The following PALB2 variants were observed in gnomAD, a reference collection of about 807,000 sequenced individuals.
PALB2 encodes mutant partner and localizer of BRCA2.
A neutral mutation model predicts 107.4 loss-of-function variants in PALB2; 82 were observed. The observed-to-expected ratio is 0.76, with a 90% CI of 0.64 to 0.92. The LOEUF is 0.92. Among genes scored for constraint, PALB2 ranks in the 40% least tolerant of loss-of-function variants. PALB2 has a pLI of 0.00. For synonymous variants in PALB2, 489 were observed against 496.8 expected, an observed-to-expected ratio of 0.98 and a Z score of 0.21; for missense variants, 1,374 against 1,379.9, an observed-to-expected ratio of 1.00 and a Z score of 0.07.
intron 1 of PALB2, among the ~76,000 whole-genome samples, chr16:23,639,807 G>A (rs1049324296): frequency 2.6e-5 from 3 of 115,588 alleles, no homozygotes; most frequent in African/African-American, 7.3e-5. Context: ...GAGATAGAGC[G>A]GAGAGTCTGT....
In PALB2 at chr16:23,634,976, A is replaced by T. The variant is rs2142412300; in HGVS notation, c.1570T>A (p.Ser524Thr). ...GKRKSACTPA[S>T]DHCEPLLPTS... ...GGCAAAAGTGGTTCACAATGATCTG[A>T]TGCTGGGGTGCAGGCTGATTTTCTT... is the stretch of plus-strand genomic sequence containing the variant. The change falls in exon 4 of 13, where the codon TCA becomes ACA. Residue 524 changes from serine (S) to threonine (T), a missense_variant. Coordinates refer to ENST00000261584, the MANE Select transcript of PALB2 (RefSeq NM_024675.4). The T allele has an allele frequency of 6.2e-7, 1 of 1,614,184 alleles. No homozygotes were observed.
intron 6 of PALB2, among the ~76,000 whole-genome samples, chr16:23,627,101 T>C (rs536089658): frequency 6.6e-6 from 1 of 152,298 alleles, no homozygotes; most frequent in South Asian, 2.1e-4. Context: ...TACATTATAC[T>C]ATCTACTATT....
In PALB2 at chr16:23,629,663, G is replaced by A. The variant is rs2142371841; in HGVS notation, c.2491C>T (p.Leu831=). The A allele has an allele frequency of 1.2e-6, 2 of 1,614,178 alleles. No individual in the cohort carries two copies. Among genetic ancestry groups the A allele is most frequent in the South Asian group, 1.1e-5 (1 of 91,090 alleles). ...NQLCRNTCQE[L]HKHSVEQTET... ...ACCTGTTCGACGGAATGTTTATGCAGCTCCTGGCATGTGTTTCTACAGAGC... is the reference window on the plus strand; with the variant it reads ...ACCTGTTCGACGGAATGTTTATGCAACTCCTGGCATGTGTTTCTACAGAGC... Residue 831 remains leucine, a synonymous_variant, in exon 5 of 13, where the codon CTG becomes TTG. Coordinates refer to ENST00000261584, the MANE Select transcript of PALB2 (RefSeq NM_024675.4).
rs1060502796 is a variant in PALB2 at position 23,636,036 on chromosome 16, T to C, written c.510A>G (p.Arg170=). The C allele has an allele frequency of 1.2e-6, 2 of 1,614,104 alleles. No individual in the cohort carries two copies. The highest frequency in any genetic ancestry group is 1.7e-6 in the Non-Finnish European group (2 of 1,179,976). ...GTTCCTTTAGTCTTTTCCCAGACAATCTGAGTGAATCAGTGCCAAAGACAC... is the reference window on the plus strand; with the variant it reads ...GTTCCTTTAGTCTTTTCCCAGACAACCTGAGTGAATCAGTGCCAAAGACAC... The part of the protein sequence containing the change: ...RDCVFGTDSL[R]LSGKRLKEQE... The change falls in exon 4 of 13, where the codon AGA becomes AGG. Residue 170 remains arginine, a synonymous_variant. Transcript: ENST00000261584.
At position 23,641,209 on chromosome 16, in the gene PALB2, G is replaced by A. The variant is rs1218066049; in HGVS notation, c.-52C>T. On this transcript the variant is annotated 5_prime_UTR_variant, in exon 1 of 13. Transcript: ENST00000261584. ...AGCCGTCGCCGACCCCAGGCCTGCCGACACCGGGACCCAGTTGGCCCTGGG... is the reference window on the plus strand; with the variant it reads ...AGCCGTCGCCGACCCCAGGCCTGCCAACACCGGGACCCAGTTGGCCCTGGG... The A allele has an allele frequency of 1.9e-6, 3 of 1,595,168 alleles. No homozygotes were observed. Among genetic ancestry groups the A allele is most frequent in the South Asian group, 2.3e-5 (2 of 88,646 alleles).
Position 23,637,970 on chromosome 16 carries a change from A to C in PALB2, c.109-18T>G. 1 of 1,608,690 alleles carries C rather than the reference A, an allele frequency of 6.2e-7. No individual in the cohort carries two copies. The highest frequency in any genetic ancestry group is 8.5e-7 in the Non-Finnish European group (1 of 1,175,032). Reference sequence around the variant, plus strand: ...TGGGCACGCTAGAGGAGACAAAAACAGCCCCAGAAATACGTTTTCTTTAAA... The same window carrying C: ...TGGGCACGCTAGAGGAGACAAAAACCGCCCCAGAAATACGTTTTCTTTAAA... On this transcript the variant is annotated intron_variant, in intron 2 of 12. Coordinates refer to ENST00000261584, the MANE Select transcript of PALB2 (RefSeq NM_024675.4).
intron 10 of PALB2, among the ~76,000 whole-genome samples, chr16:23,620,461 C>T (rs1472164698): frequency 6.6e-6 from 1 of 152,134 alleles, no homozygotes; most frequent in African/African-American, 2.4e-5. Flanking sequence ...TAGCTTAAAG[C>T]CATAATAGGA....
At chr16:23,634,189 C>A (rs969537060) in intron 4 of PALB2, among the ~76,000 whole-genome samples, 2 of 152,138 alleles carry the variant, frequency 1.3e-5, no homozygotes, top group African/African-American at 4.8e-5. Flanking sequence ...GGCACCATAC[C>A]GCCAGGTTTG....
rs786201408 is a variant in PALB2, at chr16:23,635,703, A to G, written c.843T>C (p.Ile281=). ...CCAAACTTACAGGTGAAGTAAATCT[A>G]ATGTTTTTTAGGTCGTGAGTAGTAA... ...SELTTHDLKN[I]RFTSPVSLEA... The change falls in exon 4 of 13, where the codon ATT becomes ATC. Residue 281 remains isoleucine (I), a synonymous_variant. Coordinates refer to ENST00000261584, the MANE Select transcript of PALB2 (RefSeq NM_024675.4). 1.2e-6 allele frequency: 2 copies of G among 1,614,156 alleles called. No homozygotes were observed. Among genetic ancestry groups the G allele is most frequent in the South Asian group, 1.1e-5 (1 of 91,082 alleles).
intron 12 of PALB2, among the ~76,000 whole-genome samples, chr16:23,605,296 T>C (rs1253405234): frequency 6.6e-6 from 1 of 152,150 alleles, no homozygotes; most frequent in Admixed American, 6.6e-5. Flanking sequence ...GGTGCCCACC[T>C]CTCCACTCTT....
intron 10 of PALB2, among the ~76,000 whole-genome samples, chr16:23,616,522 T>C (rs891467648): frequency 3.9e-5 from 6 of 152,210 alleles, no homozygotes; most frequent in African/African-American, 9.6e-5. Flanking sequence ...CTTATGTGAA[T>C]TGTAAAAAGG....
intron 11 of PALB2, among the ~76,000 whole-genome samples, chr16:23,613,505 G>A (rs1331267173): frequency 6.6e-6 from 1 of 152,100 alleles, no homozygotes; most frequent in Non-Finnish European, 1.5e-5. Flanking sequence ...TTAGCCGGGT[G>A]TGGTGGCGGG....
At chr16:23,620,240 A>G (rs1966749487) in intron 10 of PALB2, among the ~76,000 whole-genome samples, 1 of 152,222 alleles carries the variant, frequency 6.6e-6, no homozygotes, top group Non-Finnish European at 1.5e-5. Flanking sequence ...TATGCAGTTT[A>G]AAGGGTCAAT....
chr16:23,608,823 C>CACACACACACACAT (rs1434556537), intron 11 of PALB2, among the ~76,000 whole-genome samples: 1 of 148,176 alleles, frequency 6.7e-6, no homozygotes, highest in Non-Finnish European at 1.5e-5. Context: ...CACACACACA[C>CACACACACACACAT]ATATATACAG....
In PALB2 at chr16:23,629,949, TGGA is replaced by T; in HGVS notation, c.2202_2204del (p.Pro735del). 6.2e-7 allele frequency: 1 copy of T among 1,614,224 alleles called. No individual in the cohort carries two copies. Among genetic ancestry groups the T allele is most frequent in the Non-Finnish European group, 8.5e-7 (1 of 1,180,040 alleles). ...CATAGGAGCCTTGAGGGCCAAAGGCTGGAGTAGTACCTAAGATGGGGAAAGCAG... is the reference window on the plus strand; with the variant it reads ...CATAGGAGCCTTGAGGGCCAAAGGCTGTAGTACCTAAGATGGGGAAAGCAG... On this transcript the variant is annotated inframe_deletion, in exon 5 of 13. Coordinates refer to ENST00000261584, the MANE Select transcript of PALB2 (RefSeq NM_024675.4).
chr16:23,605,073 C>CA (rs200373016), intron 12 of PALB2, among the ~76,000 whole-genome samples: 3,898 of 149,716 alleles, frequency 0.026, 72 homozygotes, highest in Middle Eastern at 0.093. Context: ...AACTCCGTCT[C>CA]AAAAAAAAAA....
At chr16:23,611,669 G>A (rs1282882811) in intron 11 of PALB2, among the ~76,000 whole-genome samples, 1 of 151,784 alleles carries the variant, frequency 6.6e-6, no homozygotes, top group Non-Finnish European at 1.5e-5. Flanking sequence ...TGTTGGCCAG[G>A]CTGGTCTTGA....
chr16:23,622,389 G>T (rs1160436782), intron 9 of PALB2, among the ~76,000 whole-genome samples: 1 of 149,786 alleles, frequency 6.7e-6, no homozygotes, highest in Non-Finnish European at 1.5e-5. Context: ...AAAAATATTT[G>T]TGTGTGTGTG....
intron 9 of PALB2, among the ~76,000 whole-genome samples, chr16:23,622,634 T>TTC (rs1966792131): frequency 1.3e-5 from 2 of 152,200 alleles, no homozygotes. Context: ...GGGCTCAAAC[T>TTC]TCTGCCTTGG....
Sources: gnomAD v4.1 joint callset for allele counts (sites outside exome capture counted in the v4.1 genomes callset) on GRCh38, gnomAD v4.1.1 for gene constraint, MANE v1.5 for transcripts, NCBI Gene and HGNC (gene_info 2026-07-23, HGNC 2026-07-21) for gene names.